UBE2E2: variants seen among roughly 807,000 people sequenced by gnomAD.
UBE2E2 encodes ubiquitin-conjugating enzyme E2 E2.
UBE2E2 carries 6 observed loss-of-function variants against 24.7 expected under a neutral mutation model. The ratio of observed to expected loss-of-function variants is 0.24; its 90% CI spans 0.13 to 0.48. The LOEUF is 0.48. Among genes scored for constraint, UBE2E2 ranks in the 20% least tolerant of loss-of-function variants. The pLI is 0.99. For synonymous variants in UBE2E2, 104 were observed against 83.6 expected, an observed-to-expected ratio of 1.24 and a Z score of -1.33; for missense variants, 169 against 245.0, an observed-to-expected ratio of 0.69 and a Z score of 2.07.
intron 3 of UBE2E2, among the ~76,000 whole-genome samples, chr3:23,299,577 C>T (rs1034567873): frequency 7.2e-5 from 11 of 152,298 alleles, no homozygotes; most frequent in African/African-American, 2.6e-4. Flanking sequence ...GTTCAGTTTC[C>T]ATGTAGTTGC....
intron 5 of UBE2E2, chr3:23,534,329 G>GTTTT: frequency 1.6e-6 from 1 of 629,146 alleles, no homozygotes; most frequent in Non-Finnish European, 2.0e-6. Flanking sequence ...CAGTGAACTA[G>GTTTT]TTTTTTTTTT....
chr3:23,306,276 T>C (rs1699234248), intron 3 of UBE2E2, among the ~76,000 whole-genome samples: 1 of 152,234 alleles, frequency 6.6e-6, no homozygotes, highest in Admixed American at 6.5e-5. Context: ...GTTCTCTGAC[T>C]AGCTGACATT....
intron 4 of UBE2E2, 34 bp from the exon 5 acceptor site, chr3:23,532,520 G>C: frequency 6.7e-7 from 1 of 1,482,706 alleles, no homozygotes; most frequent in Non-Finnish European, 9.1e-7. Context: ...TAAACACTTT[G>C]TCTAACAAAA....
At chr3:23,410,963 C>T (rs1043106192) in intron 3 of UBE2E2, among the ~76,000 whole-genome samples, 1 of 152,010 alleles carries the variant, frequency 6.6e-6, no homozygotes, top group Non-Finnish European at 1.5e-5. Flanking sequence ...TTCTCATCCC[C>T]TCCTCTCCCT....
chr3:23,473,597 C>G (rs866181068), intron 3 of UBE2E2, among the ~76,000 whole-genome samples: 1 of 152,056 alleles, frequency 6.6e-6, no homozygotes, highest in South Asian at 2.1e-4. Flanking sequence ...CACCCTTTCC[C>G]CACTGAGTCC....
intron 3 of UBE2E2, among the ~76,000 whole-genome samples, chr3:23,420,945 A>G (rs1697782080): frequency 6.6e-6 from 1 of 152,242 alleles, no homozygotes; most frequent in African/African-American, 2.4e-5. Flanking sequence ...AGGTAATGTG[A>G]ATCATGTAGA....
At chr3:23,359,400 T>C (rs1436383256) in intron 3 of UBE2E2, among the ~76,000 whole-genome samples, 1 of 152,226 alleles carries the variant, frequency 6.6e-6, no homozygotes, top group Non-Finnish European at 1.5e-5. Context: ...AGGCCAGATA[T>C]GAATGGGCTA....
At chr3:23,464,706 C>T (rs534247546) in intron 3 of UBE2E2, among the ~76,000 whole-genome samples, 1 of 152,220 alleles carries the variant, frequency 6.6e-6, no homozygotes, top group East Asian at 1.9e-4. Context: ...TGAGAAAATA[C>T]TTCTCTAGTT....
intron 3 of UBE2E2, among the ~76,000 whole-genome samples, chr3:23,312,097 C>T (rs1694419464): frequency 6.6e-6 from 1 of 151,534 alleles, no homozygotes; most frequent in South Asian, 2.1e-4. Flanking sequence ...TCCCTCCTCT[C>T]TTTCTCCTAC....
intron 3 of UBE2E2, among the ~76,000 whole-genome samples, chr3:23,495,308 G>A (rs753248788): frequency 6.6e-6 from 1 of 152,198 alleles, no homozygotes; most frequent in African/African-American, 2.4e-5. Context: ...GTTATCTGCA[G>A]ACATTGCCCT....
At chr3:23,449,695 G>T (rs769831149) in intron 3 of UBE2E2, among the ~76,000 whole-genome samples, 2 of 152,204 alleles carry the variant, frequency 1.3e-5, no homozygotes, top group Non-Finnish European at 2.9e-5. Context: ...CTCAGGGGCA[G>T]ACAGAATCAA....
Position 23,442,819 on chromosome 3 carries a change from C to G in UBE2E2, c.228-56789C>G, listed in dbSNP as rs186059788. Among the ~76,000 whole-genome samples, 9 of 152,282 alleles carry G rather than the reference C, an allele frequency of 5.9e-5. No individual in the cohort carries two copies. In the East Asian group the frequency reaches 1.7e-3, roughly 29 times the overall value. On this transcript the variant is annotated intron_variant, in intron 3 of 5. Transcript: ENST00000396703. ...TACTGATTCTTCTGCTTTCCTGTAGCTCTGCCTGGGGTTTCCCCTCAGAGG... is the reference window on the plus strand; with the variant it reads ...TACTGATTCTTCTGCTTTCCTGTAGGTCTGCCTGGGGTTTCCCCTCAGAGG...
intron 3 of UBE2E2, among the ~76,000 whole-genome samples, chr3:23,495,422 A>G (rs1699580094): frequency 1.3e-5 from 2 of 152,194 alleles, no homozygotes; most frequent in African/African-American, 4.8e-5. Flanking sequence ...TACTGTGGTT[A>G]CCATTCTTGG....
At chr3:23,352,138 G>A (rs1259689142) in intron 3 of UBE2E2, among the ~76,000 whole-genome samples, 4 of 152,036 alleles carry the variant, frequency 2.6e-5, no homozygotes, top group Non-Finnish European at 4.4e-5. Flanking sequence ...TGACTACTGG[G>A]TACATAACGA....
chr3:23,380,369 G>A (rs573762510), intron 3 of UBE2E2, among the ~76,000 whole-genome samples: 1 of 152,292 alleles, frequency 6.6e-6, no homozygotes, highest in Admixed American at 6.5e-5. Flanking sequence ...GTGACTACAG[G>A]CGTGTGCCGC....
intron 3 of UBE2E2, among the ~76,000 whole-genome samples, chr3:23,390,467 C>T (rs1006900424): frequency 2.6e-5 from 4 of 152,196 alleles, no homozygotes; most frequent in African/African-American, 7.2e-5. Context: ...TTGCTGAGAG[C>T]CACTTCCACT....
At chr3:23,236,873 T>G (rs1013466536) in intron 3 of UBE2E2, among the ~76,000 whole-genome samples, 4 of 152,144 alleles carry the variant, frequency 2.6e-5, no homozygotes, top group Non-Finnish European at 5.9e-5. Context: ...ATGGAAAACC[T>G]TCTCCTACAC....
intron 3 of UBE2E2, among the ~76,000 whole-genome samples, chr3:23,246,952 G>A (rs1697427153): frequency 6.6e-6 from 1 of 151,584 alleles, no homozygotes; most frequent in Admixed American, 6.6e-5. Context: ...TGAGCTCAAG[G>A]GTTCTTCTTG....
At chr3:23,241,868 C>T (rs114301365) in intron 3 of UBE2E2, among the ~76,000 whole-genome samples, 97 of 152,308 alleles carry the variant, frequency 6.4e-4, no homozygotes, top group Non-Finnish European at 9.7e-4. Flanking sequence ...AAGCCTGCCA[C>T]ATCTTCCCTA....
Sources: allele counts gnomAD v4.1 joint callset (sites outside exome capture counted in the v4.1 genomes callset), GRCh38; gene constraint gnomAD v4.1.1; transcripts MANE v1.5; gene names NCBI Gene and HGNC (gene_info 2026-07-23, HGNC 2026-07-21).